ARID4B: variants seen among roughly 807,000 people sequenced by gnomAD.
ARID4B encodes AT-rich interaction domain 4B, also known as AT-rich interactive domain-containing protein 4B.
ARID4B carries 26 observed loss-of-function variants against 147.5 expected under a neutral mutation model. That is an observed-to-expected ratio of 0.18 (90% CI 0.13 to 0.24). The LOEUF (loss-of-function observed/expected upper bound fraction) is 0.24, where lower values mean the gene tolerates loss of function less well. Ranked by LOEUF, ARID4B falls within the 10% of genes least tolerant of loss-of-function variation. ARID4B has a pLI of 1.00. For synonymous variants in ARID4B, 512 were observed against 507.9 expected, an observed-to-expected ratio of 1.01 and a Z score of -0.11; for missense variants, 1,179 against 1,511.5, an observed-to-expected ratio of 0.78 and a Z score of 3.65.
At chr1:235,273,466 C>A (rs1223108732) in intron 2 of ARID4B, among the ~76,000 whole-genome samples, 1 of 152,102 alleles carries the variant, frequency 6.6e-6, no homozygotes, top group East Asian at 1.9e-4. Flanking sequence ...TAATTTAAGT[C>A]ACTAATTGTA....
chr1:235,173,810 A>ATG (rs1663634087), intron 22 of ARID4B, among the ~76,000 whole-genome samples: 2 of 74,744 alleles, frequency 2.7e-5, no homozygotes, highest in Admixed American at 1.6e-4. Flanking sequence ...ATATATATAT[A>ATG]TATGTATACC....
intron 2 of ARID4B, among the ~76,000 whole-genome samples, chr1:235,303,025 G>A (rs1020206419): frequency 2.6e-5 from 4 of 151,960 alleles, no homozygotes; most frequent in African/African-American, 9.7e-5. Context: ...CCGGGTTCAC[G>A]CCATTCTCCT....
chr1:235,219,859 T>C lies in ARID4B; in HGVS notation c.1517A>G (p.Asp506Gly), dbSNP rs1416254913. The C allele has an allele frequency of 1.9e-6, 3 of 1,609,522 alleles. No individual in the cohort carries two copies. The highest frequency in any genetic ancestry group is 8.5e-7 in the Non-Finnish European group (1 of 1,178,652). Residue 506 changes from aspartate (D) to glycine (G), a missense_variant, in exon 16 of 24, where the codon GAC becomes GGC. Coordinates refer to ENST00000264183, the MANE Select transcript of ARID4B (RefSeq NM_016374.6). Reference protein sequence around the residue: ...DNENLDDKDDDTTRVDESLNI... With the variant: ...DNENLDDKDDGTTRVDESLNI... ...GAGGGATTCATCTACCCTAGTTGTGTCATCATCTTTGTCATCCAGATTTTC... is the reference window on the plus strand; with the variant it reads ...GAGGGATTCATCTACCCTAGTTGTGCCATCATCTTTGTCATCCAGATTTTC...
chr1:235,240,615 A>G (rs1668921302), intron 7 of ARID4B, 164 bp from the exon 8 acceptor site: 1 of 665,122 alleles, frequency 1.5e-6, no homozygotes. Flanking sequence ...AATAACAGCA[A>G]GAGTTTATCA....
At chr1:235,180,133 TTTTC>T (rs1331648293) in intron 20 of ARID4B, 7 of 129,490 alleles carry the variant, frequency 5.4e-5, no homozygotes, top group South Asian at 2.8e-4. Flanking sequence ...TTTTCTTGTT[TTTTC>T]TTTTTTTTTT....
intron 2 of ARID4B, among the ~76,000 whole-genome samples, chr1:235,261,918 T>C (rs926563083): frequency 2.6e-5 from 4 of 152,038 alleles, no homozygotes; most frequent in Non-Finnish European, 5.9e-5. Flanking sequence ...GAGGCAGGAG[T>C]TGGGGGAAAT....
At chr1:235,252,919 A>T in intron 5 of ARID4B, 110 bp from the exon 6 acceptor site, 2 of 737,452 alleles carry the variant, frequency 2.7e-6, no homozygotes, top group Non-Finnish European at 4.4e-6. Context: ...TTAAGACTAC[A>T]TTTGGAATTC....
intron 23 of ARID4B, among the ~76,000 whole-genome samples, chr1:235,169,253 T>C (rs1558160187): frequency 6.6e-6 from 1 of 152,162 alleles, no homozygotes; most frequent in African/African-American, 2.4e-5. Flanking sequence ...TGTTTGTTTT[T>C]TGAGACAAAG....
intron 16 of ARID4B, among the ~76,000 whole-genome samples, chr1:235,216,739 G>A (rs374708774): frequency 4.3e-4 from 65 of 151,948 alleles, no homozygotes; most frequent in Middle Eastern, 3.4e-3. Flanking sequence ...TAACAGAAAT[G>A]GGATTATCAA....
At chr1:235,169,209 C>T (rs954744623) in intron 23 of ARID4B, among the ~76,000 whole-genome samples, 5 of 151,956 alleles carry the variant, frequency 3.3e-5, no homozygotes, top group Non-Finnish European at 7.4e-5. Context: ...CAGAGGAAGT[C>T]TCTCACTGTT....
At chr1:235,222,730 T>A (rs78846082) in intron 13 of ARID4B, among the ~76,000 whole-genome samples, 1 of 147,426 alleles carries the variant, frequency 6.8e-6, no homozygotes, top group African/African-American at 2.5e-5. Context: ...CAGGCTGGAA[T>A]GCAGTCCAGC....
chr1:235,286,969 T>C (rs1311486048), intron 2 of ARID4B, among the ~76,000 whole-genome samples: 1 of 152,168 alleles, frequency 6.6e-6, no homozygotes, highest in Non-Finnish European at 1.5e-5. Flanking sequence ...ATTAAAAATT[T>C]TACCTTTTGG....
At position 235,182,350 on chromosome 1, in the gene ARID4B, T is replaced by C; in HGVS notation, c.2569A>G (p.Ser857Gly). 6.2e-7 allele frequency: 1 copy of C among 1,612,912 alleles called. No individual in the cohort carries two copies. The highest frequency in any genetic ancestry group is 8.5e-7 in the Non-Finnish European group (1 of 1,179,794). ...TCTTCATCTGAAGAGCTGTTGCTACTGTTTTCCATGCAAAGTGATTCTTTG... is the reference window on the plus strand; with the variant it reads ...TCTTCATCTGAAGAGCTGTTGCTACCGTTTTCCATGCAAAGTGATTCTTTG... ...KNKESLCMEN[S>G]SNSSSDEDEE... Residue 857 changes from serine (S) to glycine (G), a missense_variant, in exon 20 of 24, where the codon AGT becomes GGT. Ser to Gly is a moderately conservative substitution (Grantham distance 56). This residue lies in a region of ARID4B where 321 missense variants were observed against 342.4 expected (regional missense o/e 0.94). Coordinates refer to ENST00000264183, the MANE Select transcript of ARID4B (RefSeq NM_016374.6).
rs1460804266 is a variant in ARID4B at position 235,236,831 on chromosome 1, AAAATATAT to A, written c.586-2347_586-2340del. 1.5e-3 allele frequency among the ~76,000 whole-genome samples: 40 copies of A among 27,518 alleles called. 8 individuals carry two copies. The highest frequency in any genetic ancestry group is 6.0e-3 in the African/African-American group (37 of 6,116). The allele number at this position is 27,518 out of a possible 152,430, so 18.1% of individuals were successfully genotyped here. ...CCTGGCCCACAAAACGGTTTTATAA[AAAATATAT>A]ATATATATATATATATATATATATT... On this transcript the variant is annotated intron_variant, in intron 8 of 23. Coordinates refer to ENST00000264183, the MANE Select transcript of ARID4B (RefSeq NM_016374.6).
At chr1:235,271,952 A>G (rs1671014836) in intron 2 of ARID4B, among the ~76,000 whole-genome samples, 1 of 127,390 alleles carries the variant, frequency 7.8e-6, no homozygotes, top group Non-Finnish European at 1.7e-5. Flanking sequence ...CCATCTCAAA[A>G]AGTAATAATA....
At chr1:235,210,549 G>A (rs1571984556) in intron 17 of ARID4B, among the ~76,000 whole-genome samples, 1 of 115,086 alleles carries the variant, frequency 8.7e-6, no homozygotes, top group Non-Finnish European at 1.9e-5. Context: ...AAGACAGACT[G>A]ATTATTGCAG....
At chr1:235,281,910 T>C in intron 2 of ARID4B, among the ~76,000 whole-genome samples, 1 of 152,314 alleles carries the variant, frequency 6.6e-6, no homozygotes, top group Non-Finnish European at 1.5e-5. Context: ...ACATTACTTA[T>C]ATTAGATATC....
At chr1:235,293,379 C>A (rs1297445015) in intron 2 of ARID4B, among the ~76,000 whole-genome samples, 1 of 152,122 alleles carries the variant, frequency 6.6e-6, no homozygotes, top group Non-Finnish European at 1.5e-5. Context: ...TGTAACTTCA[C>A]AAAGTAGACA....
At chr1:235,306,224 A>C (rs150059081) in intron 2 of ARID4B, among the ~76,000 whole-genome samples, 99 of 152,300 alleles carry the variant, frequency 6.5e-4, no homozygotes, top group African/African-American at 2.4e-3. Flanking sequence ...GCCTACTAAA[A>C]AATAAGATTG....
Sources: allele counts gnomAD v4.1 joint callset (sites outside exome capture counted in the v4.1 genomes callset), GRCh38; gene constraint gnomAD v4.1.1; regional missense constraint gnomAD v4.1.1; transcripts MANE v1.5; gene names NCBI Gene and HGNC (gene_info 2026-07-23, HGNC 2026-07-21).